Variants in EPHA5 observed in about 807,000 individuals in gnomAD.
The protein encoded by EPHA5 is ephrin type-A receptor 5.
In EPHA5, 60 loss-of-function variants were observed where a neutral mutation model predicts 105.0. That is an observed-to-expected ratio of 0.57 (90% confidence interval 0.46 to 0.71). The LOEUF is 0.71. Ranked by LOEUF, EPHA5 falls within the 30% of genes least tolerant of loss-of-function variation. The pLI is 0.00. For synonymous variants in EPHA5, 513 were observed against 449.1 expected (o/e 1.14, Z -1.80); for missense variants, 1,218 against 1,274.7 (o/e 0.96, Z 0.68).
intron 1 of EPHA5, among the ~76,000 whole-genome samples, chr4:65,650,561 A>AAAAC (rs1335805487): frequency 2.7e-5 from 4 of 149,968 alleles, no homozygotes; most frequent in African/African-American, 9.8e-5. Flanking sequence ...CTCAGTCTCA[A>AAAAC]AAAAAAAAAA....
intron 3 of EPHA5, among the ~76,000 whole-genome samples, chr4:65,583,967 G>A (rs937944433): frequency 6.6e-6 from 1 of 151,354 alleles, no homozygotes; most frequent in African/African-American, 2.4e-5. Flanking sequence ...TAATATATAT[G>A]TAATACGGTA....
At chr4:65,643,789 G>A (rs890487793) in intron 1 of EPHA5, among the ~76,000 whole-genome samples, 18 of 151,872 alleles carry the variant, frequency 1.2e-4, no homozygotes, top group African/African-American at 4.3e-4. Flanking sequence ...GAGGTTTTGG[G>A]ATTAAGCTGC....
chr4:65,660,552 G>T (rs1239742443), intron 1 of EPHA5, among the ~76,000 whole-genome samples: 1 of 152,024 alleles, frequency 6.6e-6, no homozygotes, highest in Non-Finnish European at 1.5e-5. Flanking sequence ...TACCCACTTG[G>T]CTTTAGGAAA....
chr4:65,431,645 G>A (rs1037929242), intron 5 of EPHA5, among the ~76,000 whole-genome samples: 1 of 151,964 alleles, frequency 6.6e-6, no homozygotes. Flanking sequence ...TATGCCAAGC[G>A]CTAGTGAGTT....
intron 3 of EPHA5, among the ~76,000 whole-genome samples, chr4:65,556,725 T>C (rs928865103): frequency 6.6e-6 from 1 of 152,182 alleles, no homozygotes; most frequent in African/African-American, 2.4e-5. Flanking sequence ...AGCATTATTA[T>C]TATTTTCAGC....
chr4:65,657,467 C>A (rs952315489), intron 1 of EPHA5, among the ~76,000 whole-genome samples: 1 of 152,170 alleles, frequency 6.6e-6, no homozygotes, highest in Non-Finnish European at 1.5e-5. Context: ...TGTTTTCTAG[C>A]AGCTTGCTAA....
chr4:65,428,522 AAGCC>A, intron 5 of EPHA5, among the ~76,000 whole-genome samples: 2 of 152,070 alleles, frequency 1.3e-5, no homozygotes, highest in Admixed American at 6.6e-5. Context: ...TCCATCTTAA[AAGCC>A]TGCAACTGGA....
At chr4:65,348,697 TAAA>T (rs869280297) in intron 13 of EPHA5, among the ~76,000 whole-genome samples, 1,177 of 23,996 alleles carry the variant, frequency 0.049, 26 homozygotes, top group Admixed American at 0.068. Context: ...TATATATATA[TAAA>T]ATATATATGT....
In EPHA5 at chr4:65,470,193, GTT is replaced by G. The variant is rs200526810; in HGVS notation, c.1402+20182_1402+20183del. ...TGAAGAGTTTTCTTTTTCTTTCTTT[GTT>G]TTTTTTTTTTTTCTTGAGACAGAGT... On this transcript the variant is annotated intron_variant, in intron 5 of 16. Transcript: ENST00000613740. Among the ~76,000 whole-genome samples, 19 of 143,550 alleles carry G rather than the reference GTT, an allele frequency of 1.3e-4. No homozygotes were observed. The South Asian group carries it at 2.7e-3, about 20-fold the overall frequency. The allele number at this position is 143,550 out of a possible 152,430, so 94.2% of individuals were successfully genotyped here. A position where few individuals can be genotyped will look rare whatever the true frequency, so the allele number is the denominator to read the frequency against.
At chr4:65,643,540 G>T in intron 1 of EPHA5, 113 bp from the exon 2 acceptor site, 1 of 802,698 alleles carries the variant, frequency 1.2e-6, no homozygotes, top group Non-Finnish European at 2.0e-6. Flanking sequence ...GAAATTAAGT[G>T]TTCATTATGA....
At chr4:65,439,794 G>A (rs189844731) in intron 5 of EPHA5, among the ~76,000 whole-genome samples, 8 of 151,672 alleles carry the variant, frequency 5.3e-5, no homozygotes, top group Admixed American at 1.3e-4. Context: ...ATTTTCTTTC[G>A]TATTTGCATT....
At position 65,599,562 on chromosome 4, in the gene EPHA5, G is replaced by A. The variant is rs377108888; in HGVS notation, c.910+2079C>T. Among the ~76,000 whole-genome samples, 479 of 152,200 alleles carry A rather than the reference G, an allele frequency of 3.1e-3. 1 individual carries two copies. Among genetic ancestry groups the A allele is most frequent in the Non-Finnish European group, 4.5e-3 (307 of 67,994 alleles). Reference sequence around the variant, plus strand: ...TGCCATCACATACCATTTGTACATAGTAAAATACCAGCAAGCGTTAATCAT... The same window carrying A: ...TGCCATCACATACCATTTGTACATAATAAAATACCAGCAAGCGTTAATCAT... On this transcript the variant is annotated intron_variant, in intron 3 of 16. Transcript: ENST00000613740.
At chr4:65,598,988 T>A (rs893267230) in intron 3 of EPHA5, among the ~76,000 whole-genome samples, 1 of 151,958 alleles carries the variant, frequency 6.6e-6, no homozygotes, top group Non-Finnish European at 1.5e-5. Flanking sequence ...AGGGGTAGGA[T>A]GGATGTGTGA....
intron 3 of EPHA5, among the ~76,000 whole-genome samples, chr4:65,576,014 GA>G (rs1378499246): frequency 1.3e-5 from 1 of 77,974 alleles, no homozygotes; most frequent in Admixed American, 1.9e-4. Flanking sequence ...AAGAAAGAAA[GA>G]AAGAAAGAAA....
chr4:65,510,836 T>C (rs1028687730), intron 3 of EPHA5, among the ~76,000 whole-genome samples: 23 of 152,220 alleles, frequency 1.5e-4, no homozygotes, highest in African/African-American at 5.1e-4. Flanking sequence ...TATATGATGC[T>C]CAAGTATAGG....
intron 3 of EPHA5, among the ~76,000 whole-genome samples, chr4:65,556,771 T>G (rs1333586375): frequency 6.6e-6 from 1 of 152,186 alleles, no homozygotes. Flanking sequence ...AGCTTGATTT[T>G]ACTTTAACCA....
chr4:65,374,733 C>T (rs549875181), intron 8 of EPHA5, among the ~76,000 whole-genome samples: 34 of 151,840 alleles, frequency 2.2e-4, no homozygotes, highest in African/African-American at 7.7e-4. Flanking sequence ...TTTCAAGACA[C>T]GAAAAACAAT....
In EPHA5 at chr4:65,602,169, T is replaced by C. The variant is rs759762389; in HGVS notation, c.382A>G (p.Ile128Val). 3.7e-6 allele frequency: 6 copies of C among 1,614,146 alleles called. No individual in the cohort carries two copies. In the South Asian group the frequency reaches 4.4e-5, roughly 12 times the overall value. The change falls in exon 3 of 17, where the codon ATA becomes GTA. Residue 128 changes from isoleucine to valine, a missense_variant. Physicochemically the swap from Ile to Val is conservative, Grantham distance 29 (BLOSUM62 3). This residue lies in a region of EPHA5 where 233 missense variants were observed against 227.5 expected (regional missense o/e 1.02). Transcript: ENST00000613740. ...ISNEGASRIF[I>V]ELKFTLRDCN... ...TCCCGCAGGGTAAATTTGAGTTCTA[T>C]GAAGATTCTGGAAGCACCTTCATTG...
At chr4:65,426,632 A>AT (rs1159354568) in intron 5 of EPHA5, among the ~76,000 whole-genome samples, 2 of 152,048 alleles carry the variant, frequency 1.3e-5, no homozygotes, top group Admixed American at 6.6e-5. Flanking sequence ...TGCATAAATT[A>AT]TTTTTCTGGG....
Sources: allele counts gnomAD v4.1 joint callset (sites outside exome capture counted in the v4.1 genomes callset), GRCh38; gene constraint gnomAD v4.1.1; regional missense constraint gnomAD v4.1.1; transcripts MANE v1.5; gene names NCBI Gene and HGNC (gene_info 2026-07-23, HGNC 2026-07-21).